Variants in SIL1 observed in about 807,000 individuals in gnomAD.
The protein encoded by SIL1 is nucleotide exchange factor SIL1.
A neutral mutation model predicts 49.1 loss-of-function variants in SIL1; 40 were observed. That is an observed-to-expected ratio of 0.81 (90% confidence interval 0.63 to 1.06). SIL1 has a LOEUF of 1.06. Among genes scored for constraint, SIL1 ranks in the 50% least tolerant of loss-of-function variants. SIL1 has a pLI of 0.00. For missense variants in SIL1, 500 were observed against 572.6 expected, an observed-to-expected ratio of 0.87 and a Z score of 1.29; for synonymous variants, 253 against 250.8, an observed-to-expected ratio of 1.01 and a Z score of -0.08.
chr5:139,080,081 ATAT>A (rs1421819020), intron 3 of SIL1, among the ~76,000 whole-genome samples: 2 of 152,186 alleles, frequency 1.3e-5, no homozygotes, highest in Admixed American at 1.3e-4. Context: ...GGGGTGGCAC[ATAT>A]TATTGTACTT....
intron 1 of SIL1, among the ~76,000 whole-genome samples, chr5:139,157,842 A>C (rs1416459089): frequency 6.6e-6 from 1 of 152,154 alleles, no homozygotes; most frequent in Non-Finnish European, 1.5e-5. Flanking sequence ...GGAATTTACT[A>C]ATGTAGTACA....
intron 3 of SIL1, among the ~76,000 whole-genome samples, chr5:139,106,875 C>T (rs1427502657): frequency 6.6e-6 from 1 of 152,240 alleles, no homozygotes; most frequent in African/African-American, 2.4e-5. Context: ...ACTGCAAAGG[C>T]TTGAAATTAT....
intron 5 of SIL1, among the ~76,000 whole-genome samples, chr5:139,027,305 T>C (rs1768679906): frequency 1.3e-5 from 2 of 152,186 alleles, no homozygotes; most frequent in South Asian, 2.1e-4. Flanking sequence ...GGGGAAGTAA[T>C]GCAAGTTCAT....
chr5:138,997,923 A>G (rs962762139), intron 7 of SIL1, among the ~76,000 whole-genome samples: 1 of 152,110 alleles, frequency 6.6e-6, no homozygotes, highest in African/African-American at 2.4e-5. Flanking sequence ...TCTGCTGAGG[A>G]TTGCTTTGGC....
rs1412169940 is a variant in SIL1 at position 139,054,335 on chromosome 5, AG to A, written c.245-3290del. Among the ~76,000 whole-genome samples, 4 of 152,358 alleles carry A rather than the reference AG, an allele frequency of 2.6e-5. No individual in the cohort carries two copies. The South Asian group carries it at 8.3e-4, about 32-fold the overall frequency. On this transcript the variant is annotated intron_variant, in intron 3 of 9. Coordinates refer to ENST00000394817, the MANE Select transcript of SIL1 (RefSeq NM_022464.5). ...TGAGGTGGGAAGATTGCCTGAGCTC[AG>A]GAGTTCAAGGCAGCAATGGGCTATG...
At chr5:138,957,747 G>A (rs1331410480) in intron 7 of SIL1, among the ~76,000 whole-genome samples, 1 of 151,950 alleles carries the variant, frequency 6.6e-6, no homozygotes, top group East Asian at 1.9e-4. Context: ...AAGATATGAA[G>A]ACCCTTTACC....
At chr5:139,128,087 C>T in intron 1 of SIL1, 3 of 542,512 alleles carry the variant, frequency 5.5e-6, no homozygotes, top group Non-Finnish European at 1.1e-5. Flanking sequence ...AGGACTCCTG[C>T]ATAAGCTATT....
intron 1 of SIL1, among the ~76,000 whole-genome samples, chr5:139,172,807 G>T (rs895045765): frequency 6.6e-6 from 1 of 152,134 alleles, no homozygotes; most frequent in Non-Finnish European, 1.5e-5. Flanking sequence ...GTGAAGACAG[G>T]CAGCAAAACA....
At chr5:139,056,368 TGAG>T (rs995855132) in intron 3 of SIL1, among the ~76,000 whole-genome samples, 11 of 146,724 alleles carry the variant, frequency 7.5e-5, no homozygotes, top group African/African-American at 2.8e-4. Flanking sequence ...CCAACCCGTC[TGAG>T]AAGTGAGGAG....
intron 1 of SIL1, among the ~76,000 whole-genome samples, chr5:139,191,619 T>TA (rs202242246): frequency 0.015 from 2,092 of 139,922 alleles, 23 homozygotes; most frequent in African/African-American, 0.043. Context: ...CCTGTCTCTT[T>TA]AAAAAAAAAA....
At chr5:139,082,036 A>C (rs909137622) in intron 3 of SIL1, among the ~76,000 whole-genome samples, 1 of 152,212 alleles carries the variant, frequency 6.6e-6, no homozygotes, top group Non-Finnish European at 1.5e-5. Flanking sequence ...TAGCATTACA[A>C]ATTACCACTT....
intron 1 of SIL1, among the ~76,000 whole-genome samples, chr5:139,179,196 A>G (rs1751938181): frequency 6.6e-6 from 1 of 152,188 alleles, no homozygotes; most frequent in South Asian, 2.1e-4. Flanking sequence ...GCCTTTCCCC[A>G]GTAAAGACAC....
intron 7 of SIL1, among the ~76,000 whole-genome samples, chr5:139,009,208 A>G (rs1466998431): frequency 1.4e-5 from 2 of 138,776 alleles, no homozygotes; most frequent in African/African-American, 5.4e-5. Flanking sequence ...TCCCTTTACC[A>G]TTATGTAATG....
chr5:139,105,099 C>G (rs1770671101), intron 3 of SIL1, among the ~76,000 whole-genome samples: 1 of 152,094 alleles, frequency 6.6e-6, no homozygotes, highest in Non-Finnish European at 1.5e-5. Flanking sequence ...TACTGGATGG[C>G]AGGAATCCTA....
chr5:139,077,306 T>C (rs1243278101), intron 3 of SIL1, among the ~76,000 whole-genome samples: 1 of 152,206 alleles, frequency 6.6e-6, no homozygotes, highest in Non-Finnish European at 1.5e-5. Context: ...ATACAATTCC[T>C]TTTTTGGATA....
intron 3 of SIL1, among the ~76,000 whole-genome samples, chr5:139,075,709 TTC>T (rs566813433): frequency 6.2e-4 from 94 of 152,344 alleles, no homozygotes; most frequent in Admixed American, 1.0e-3. Context: ...GAGATGGTGA[TTC>T]TGTGTGTCAA....
chr5:138,992,018 G>A (rs1367610406), intron 7 of SIL1, among the ~76,000 whole-genome samples: 1 of 152,222 alleles, frequency 6.6e-6, no homozygotes, highest in African/African-American at 2.4e-5. Flanking sequence ...TCCTGATGAG[G>A]CTCACTCCAG....
At chr5:139,151,811 A>G (rs1197887959) in intron 1 of SIL1, among the ~76,000 whole-genome samples, 4 of 151,422 alleles carry the variant, frequency 2.6e-5, no homozygotes, top group Non-Finnish European at 4.4e-5. Flanking sequence ...TGGTTAATGG[A>G]AAAAAAAACT....
chr5:139,106,525 T>C (rs1204569412), intron 3 of SIL1, among the ~76,000 whole-genome samples: 1 of 152,218 alleles, frequency 6.6e-6, no homozygotes, highest in African/African-American at 2.4e-5. Context: ...AGCCATTGAG[T>C]TAAAATACAA....
Sources: allele counts gnomAD v4.1 joint callset (sites outside exome capture counted in the v4.1 genomes callset), GRCh38; gene constraint gnomAD v4.1.1; transcripts MANE v1.5; gene names NCBI Gene and HGNC (gene_info 2026-07-23, HGNC 2026-07-21).